The following ABHD17B variants were observed in gnomAD, a reference collection of about 807,000 sequenced individuals.
ABHD17B encodes abhydrolase domain containing 17B, depalmitoylase, also known as alpha/beta hydrolase domain-containing protein 17B.
ABHD17B carries 9 observed loss-of-function variants against 26.2 expected under a neutral mutation model. The ratio of observed to expected loss-of-function variants is 0.34; its 90% confidence interval spans 0.21 to 0.60. The LOEUF (loss-of-function observed/expected upper bound fraction) is 0.60, where lower values mean the gene tolerates loss of function less well. Among genes scored for constraint, ABHD17B ranks in the 20% least tolerant of loss-of-function variants. The pLI is 0.80. For missense variants in ABHD17B, 224 were observed against 352.1 expected (o/e 0.64, Z 2.91); for synonymous variants, 127 against 122.3 (o/e 1.04, Z -0.25).
intron 1 of ABHD17B, among the ~76,000 whole-genome samples, chr9:71,890,141 T>A (rs914859117): frequency 2.0e-5 from 3 of 149,928 alleles, no homozygotes; most frequent in African/African-American, 7.4e-5. Context: ...TAAATAAATA[T>A]TAGCTGGGAG....
intron 2 of ABHD17B, 39 bp from the exon 3 acceptor site, chr9:71,870,301 T>C (rs1826074822): frequency 1.3e-6 from 2 of 1,526,964 alleles, no homozygotes; most frequent in African/African-American, 1.4e-5. Flanking sequence ...ACCAAAAAAG[T>C]TGGAGTGATA....
chr9:71,880,736 T>C (rs1248756275), intron 1 of ABHD17B, among the ~76,000 whole-genome samples: 1 of 151,844 alleles, frequency 6.6e-6, no homozygotes, highest in Admixed American at 6.6e-5. Context: ...GGAATTAATA[T>C]AAAATAGAAT....
intron 1 of ABHD17B, among the ~76,000 whole-genome samples, chr9:71,910,342 C>G (rs1476400069): frequency 1.3e-5 from 2 of 152,104 alleles, no homozygotes; most frequent in Non-Finnish European, 2.9e-5. Flanking sequence ...GTCGGTCGGT[C>G]CTCCCTCCCC....
intron 3 of ABHD17B, among the ~76,000 whole-genome samples, chr9:71,868,982 CCT>C (rs1826036540): frequency 6.6e-6 from 1 of 152,138 alleles, no homozygotes; most frequent in Admixed American, 6.5e-5. Context: ...AACCACTGTG[CCT>C]GGCCAAACAG....
intron 1 of ABHD17B, among the ~76,000 whole-genome samples, chr9:71,903,034 A>C (rs922306020): frequency 6.6e-6 from 1 of 152,188 alleles, no homozygotes; most frequent in Non-Finnish European, 1.5e-5. Flanking sequence ...TCTGATCTAC[A>C]TTAGGCATGT....
chr9:71,886,525 C>A (rs888802739), intron 1 of ABHD17B, among the ~76,000 whole-genome samples: 1 of 152,058 alleles, frequency 6.6e-6, no homozygotes, highest in African/African-American at 2.4e-5. Context: ...TCTGGGCATG[C>A]CTTATGCAGG....
At chr9:71,867,856 A>C (rs1194577042) in intron 3 of ABHD17B, among the ~76,000 whole-genome samples, 2 of 152,014 alleles carry the variant, frequency 1.3e-5, no homozygotes, top group East Asian at 3.9e-4. Flanking sequence ...CATTTTCCCT[A>C]TGTGGCTCCC....
intron 1 of ABHD17B, among the ~76,000 whole-genome samples, chr9:71,905,320 CA>C (rs1827253061): frequency 6.6e-6 from 1 of 152,002 alleles, no homozygotes; most frequent in Non-Finnish European, 1.5e-5. Context: ...GACGGGGTTT[CA>C]TCATGTTGCC....
chr9:71,907,940 T>C (rs1827334794), intron 1 of ABHD17B, among the ~76,000 whole-genome samples: 1 of 152,224 alleles, frequency 6.6e-6, no homozygotes, highest in East Asian at 1.9e-4. Context: ...TGGACAAAAC[T>C]CTTGGGCATG....
chr9:71,870,104 T>G lies in ABHD17B; in HGVS notation c.626A>C (p.Tyr209Ser). 1 of 1,610,832 alleles carries G rather than the reference T, an allele frequency of 6.2e-7. No homozygotes were observed. Among genetic ancestry groups the G allele is most frequent in the East Asian group, 2.2e-5 (1 of 44,860 alleles). The stretch of plus-strand genomic sequence containing the variant: ...TTACTTTGGGAATGCATCAAAACAG[T>G]AGGTCTTCTTGGTATCAGGAAAGGC... ...RVAFPDTKKT[Y>S]CFDAFPNIDK... Residue 209 changes from tyrosine to serine, a missense_variant, in exon 3 of 4, where the codon TAC becomes TCC. Physicochemically the swap from Tyr to Ser is moderately radical, Grantham distance 144. Coordinates refer to ENST00000333421, the MANE Select transcript of ABHD17B (RefSeq NM_001025780.3).
intron 1 of ABHD17B, among the ~76,000 whole-genome samples, chr9:71,894,579 T>C (rs541658407): frequency 7.2e-4 from 110 of 152,336 alleles, no homozygotes; most frequent in African/African-American, 2.6e-3. Flanking sequence ...TTGCAGTCTG[T>C]ACATATTATT....
chr9:71,888,926 T>C (rs1370811249), intron 1 of ABHD17B, among the ~76,000 whole-genome samples: 2 of 151,788 alleles, frequency 1.3e-5, no homozygotes, highest in Non-Finnish European at 2.9e-5. Context: ...ACTACTACTG[T>C]ATGCAAATAA....
In ABHD17B at chr9:71,903,076, T is replaced by G. The variant is rs138816654; in HGVS notation, c.-4+7558A>C. ...CATTTTCTAAATCCTACCCTTTTAA[T>G]GTGACTACATCCTCAACATAAATCT... On this transcript the variant is annotated intron_variant, in intron 1 of 3. Transcript: ENST00000333421. Among the ~76,000 whole-genome samples, 216 of 152,314 alleles carry G rather than the reference T, an allele frequency of 1.4e-3. 1 individual carries two copies. The highest frequency in any genetic ancestry group is 5.1e-3 in the African/African-American group (210 of 41,578).
intron 1 of ABHD17B, among the ~76,000 whole-genome samples, chr9:71,885,849 T>C (rs2132167383): frequency 6.6e-6 from 1 of 151,892 alleles, no homozygotes; most frequent in Admixed American, 6.6e-5. Flanking sequence ...TAATAGTTTC[T>C]TGGTAATGCA....
intron 1 of ABHD17B, among the ~76,000 whole-genome samples, chr9:71,877,984 G>A (rs1200762125): frequency 1.3e-5 from 2 of 152,102 alleles, no homozygotes; most frequent in East Asian, 1.9e-4. Flanking sequence ...CTAATAAGAG[G>A]CCTGGTATAG....
rs755513992 is a variant in ABHD17B at position 71,905,428 on chromosome 9, ACTC to A, written c.-4+5203_-4+5205del. ...AAACTACAATGAGGTACCATTTCAT[ACTC>A]CTCAGAATGGCAAAAATTAATAAAA... On this transcript the variant is annotated intron_variant, in intron 1 of 3. Transcript: ENST00000333421. 2.0e-5 allele frequency among the ~76,000 whole-genome samples: 3 copies of A among 152,270 alleles called. No individual in the cohort carries two copies. The East Asian group carries it at 5.8e-4, about 29-fold the overall frequency.
intron 2 of ABHD17B, 110 bp from the exon 3 acceptor site, chr9:71,870,372 T>C (rs539224031): frequency 2.2e-6 from 2 of 928,990 alleles, no homozygotes; most frequent in East Asian, 5.5e-5. Context: ...AACTAATCCA[T>C]TTTTTAAACT....
At chr9:71,877,942 T>G (rs1330930124) in intron 1 of ABHD17B, among the ~76,000 whole-genome samples, 1 of 152,176 alleles carries the variant, frequency 6.6e-6, no homozygotes, top group African/African-American at 2.4e-5. Context: ...TGGGGCTTAT[T>G]TAATGACAAC....
intron 2 of ABHD17B, among the ~76,000 whole-genome samples, chr9:71,873,031 TTTATTA>T (rs1826158427): frequency 6.6e-6 from 1 of 151,950 alleles, no homozygotes; most frequent in African/African-American, 2.4e-5. Context: ...TATTAACTAC[TTTATTA>T]TTAAAATTGA....
Sources: gnomAD v4.1 joint callset for allele counts (sites outside exome capture counted in the v4.1 genomes callset) on GRCh38, gnomAD v4.1.1 for gene constraint, MANE v1.5 for transcripts, NCBI Gene and HGNC (gene_info 2026-07-23, HGNC 2026-07-21) for gene names.